The following ARMC2 variants were observed in gnomAD, a reference collection of about 807,000 sequenced individuals.
ARMC2 encodes armadillo repeat-containing protein 2.
A neutral mutation model predicts 90.3 loss-of-function variants in ARMC2; 67 were observed. That is an observed-to-expected ratio of 0.74 (90% CI 0.61 to 0.91). The LOEUF is 0.91. ARMC2 is among the 40% of genes least tolerant of loss of function. ARMC2 has a pLI of 0.00. For synonymous variants in ARMC2, 393 were observed against 393.0 expected (o/e 1.00, Z 0.00); for missense variants, 920 against 1,030.9 (o/e 0.89, Z 1.47).
At chr6:108,999,623 A>C in the ARMC2 span, among the ~76,000 whole-genome samples, 1 of 152,144 alleles carries the variant, frequency 6.6e-6, no homozygotes, top group Non-Finnish European at 1.5e-5. Context: ...AAACACTGAC[A>C]CCAATGCTGG....
intron 17 of ARMC2, among the ~76,000 whole-genome samples, chr6:108,971,392 C>T (rs573599261): frequency 9.2e-5 from 14 of 152,054 alleles, no homozygotes; most frequent in African/African-American, 1.4e-4. Context: ...AGCTCCTTGC[C>T]GAAGTGTTTG....
In ARMC2 at chr6:108,947,536, G is replaced by C. The variant is rs181496655; in HGVS notation, c.1597-5497G>C. ...ATTGGAACTGGACATAGACCATCCTGGTGAGCAGTGCCCTGTTCCTGGTTT... is the reference window on the plus strand; with the variant it reads ...ATTGGAACTGGACATAGACCATCCTCGTGAGCAGTGCCCTGTTCCTGGTTT... On this transcript the variant is annotated intron_variant, in intron 12 of 17. Coordinates refer to ENST00000392644, the MANE Select transcript of ARMC2 (RefSeq NM_032131.6). 2.0e-4 allele frequency among the ~76,000 whole-genome samples: 30 copies of C among 152,290 alleles called. No homozygotes were observed. The East Asian group carries it at 5.4e-3, about 27-fold the overall frequency.
chr6:109,049,167 G>A, the ARMC2 span, among the ~76,000 whole-genome samples: 7 of 152,050 alleles, frequency 4.6e-5, no homozygotes, highest in Admixed American at 6.6e-5. Flanking sequence ...TTTAAAATGT[G>A]TTATATACAC....
intron 5 of ARMC2, among the ~76,000 whole-genome samples, chr6:108,885,278 A>AG (rs1777975314): frequency 6.6e-6 from 1 of 151,882 alleles, no homozygotes; most frequent in African/African-American, 2.4e-5. Flanking sequence ...TGCCCAAGCC[A>AG]ACACTATTAA....
intron 10 of ARMC2, among the ~76,000 whole-genome samples, chr6:108,916,720 G>A (rs969770344): frequency 9.2e-5 from 14 of 152,194 alleles, no homozygotes; most frequent in African/African-American, 3.4e-4. Flanking sequence ...GCTCTAGAAT[G>A]GATTATCATG....
rs146628129 is a variant in ARMC2, at chr6:108,959,955, G to A, written c.1916-1617G>A. Among the ~76,000 whole-genome samples the A allele has an allele frequency of 2.3e-3, 356 of 152,126 alleles. 5 individuals carry two copies. The highest frequency in any genetic ancestry group is 8.3e-3 in the African/African-American group (343 of 41,490). On this transcript the variant is annotated intron_variant, in intron 13 of 17. Coordinates refer to ENST00000392644, the MANE Select transcript of ARMC2 (RefSeq NM_032131.6). ...CCCGCCTTGGCTTCCCAAAGTGCTGGGATTACAAGCACCTGACACCACACC... is the reference window on the plus strand; with the variant it reads ...CCCGCCTTGGCTTCCCAAAGTGCTGAGATTACAAGCACCTGACACCACACC...
chr6:108,851,967 C>G (rs1774058790), intron 1 of ARMC2, among the ~76,000 whole-genome samples: 1 of 151,964 alleles, frequency 6.6e-6, no homozygotes, highest in Non-Finnish European at 1.5e-5. Flanking sequence ...TCTGTGTTTC[C>G]CAGAGATCTA....
intron 5 of ARMC2, among the ~76,000 whole-genome samples, chr6:108,888,206 G>T (rs1286862160): frequency 6.6e-6 from 1 of 152,198 alleles, no homozygotes; most frequent in Non-Finnish European, 1.5e-5. Context: ...CAGTAGAAGG[G>T]ACTGGAGGAG....
chr6:108,888,958 C>T (rs1054216304), intron 5 of ARMC2, among the ~76,000 whole-genome samples: 1 of 152,136 alleles, frequency 6.6e-6, no homozygotes, highest in Admixed American at 6.6e-5. Flanking sequence ...CCTGTCAAAT[C>T]AGATTCATTT....
chr6:108,999,214 T>C, the ARMC2 span: 1 of 153,088 alleles, frequency 6.5e-6, no homozygotes, highest in South Asian at 2.0e-4. Flanking sequence ...TGATTAAATA[T>C]TCCTAAATCA....
chr6:108,913,315 A>G (rs796548875), intron 10 of ARMC2, among the ~76,000 whole-genome samples: 52 of 152,334 alleles, frequency 3.4e-4, no homozygotes, highest in African/African-American at 1.2e-3. Context: ...ACACTAAGCC[A>G]TTGGGAAACT....
At chr6:108,918,670 C>T (rs1774241039) in intron 10 of ARMC2, among the ~76,000 whole-genome samples, 1 of 152,106 alleles carries the variant, frequency 6.6e-6, no homozygotes, top group Admixed American at 6.5e-5. Context: ...CTGGAGCCCC[C>T]AGCATAAGCT....
chr6:108,848,901 A>ATGAG (rs1345018786), intron 1 of ARMC2: 1 of 152,140 alleles, frequency 6.6e-6, no homozygotes, highest in East Asian at 1.9e-4. Context: ...TAGAGAGACG[A>ATGAG]TGAGTGCCCT....
chr6:108,899,235 C>T (rs1231916583), intron 6 of ARMC2, among the ~76,000 whole-genome samples: 2 of 152,228 alleles, frequency 1.3e-5, no homozygotes, highest in South Asian at 2.1e-4. Flanking sequence ...ATTAATGCTA[C>T]TGGCCCCATG....
the ARMC2 span, among the ~76,000 whole-genome samples, chr6:108,981,620 G>A: frequency 6.6e-6 from 1 of 151,586 alleles, no homozygotes; most frequent in Non-Finnish European, 1.5e-5. Flanking sequence ...ATACTATCAA[G>A]GTTCATCCAT....
chr6:109,046,119 C>T, the ARMC2 span, among the ~76,000 whole-genome samples: 7 of 152,094 alleles, frequency 4.6e-5, no homozygotes, highest in Non-Finnish European at 1.0e-4. Flanking sequence ...CTCTCCCTCT[C>T]CCCACGGTCT....
chr6:108,992,937 G>A, the ARMC2 span: 2 of 1,342,950 alleles, frequency 1.5e-6, no homozygotes, highest in South Asian at 1.2e-5. Flanking sequence ...TTAAAAATAG[G>A]ATGCTAGTTA....
chr6:108,985,198 T>G, the ARMC2 span, among the ~76,000 whole-genome samples: 5 of 152,338 alleles, frequency 3.3e-5, no homozygotes, highest in East Asian at 9.6e-4. Flanking sequence ...TATCTACTTA[T>G]CTCCTGGTGG....
the ARMC2 span, among the ~76,000 whole-genome samples, chr6:109,045,268 CA>C: frequency 3.3e-5 from 5 of 151,318 alleles, no homozygotes; most frequent in Non-Finnish European, 5.9e-5. Context: ...CCAACCCCAT[CA>C]AAACAGTCCC....
Sources: gnomAD v4.1 joint callset for allele counts (sites outside exome capture counted in the v4.1 genomes callset) on GRCh38, gnomAD v4.1.1 for gene constraint, MANE v1.5 for transcripts, NCBI Gene and HGNC (gene_info 2026-07-23, HGNC 2026-07-21) for gene names.